The following SENP8 variants were observed in gnomAD, a reference collection of about 807,000 sequenced individuals.
SENP8 encodes the protein sentrin-specific protease 8.
Under a neutral mutation model 14.4 loss-of-function variants are expected in SENP8, and 10 were observed. That is an observed-to-expected ratio of 0.69 (90% CI 0.43 to 1.18). The LOEUF (loss-of-function observed/expected upper bound fraction) is 1.18, where lower values mean the gene tolerates loss of function less well. Among genes scored for constraint, SENP8 ranks in the 50% most tolerant of loss-of-function variants. The pLI, the probability that SENP8 is intolerant of heterozygous loss-of-function variation, is 0.00. For missense variants in SENP8, 202 were observed against 249.4 expected (o/e 0.81, Z 1.28); for synonymous variants, 94 against 95.5 (o/e 0.98, Z 0.09).
chr15:72,117,785 C>G (rs1395999244), upstream of SENP8: 1 of 398,140 alleles, frequency 2.5e-6, no homozygotes, highest in Non-Finnish European at 4.4e-6. Context: ...GAGGCCGAGG[C>G]CACCGAGGGT....
rs141489909 is a variant in SENP8, at chr15:72,139,670, C to T, written c.47C>T (p.Ser16Leu). ...TACATGGACAGTCTACTGCGGCAAT[C>T]AGATGTCTCACTATTGGATCCGCCA... ...LSYMDSLLRQ[S>L]DVSLLDPPSW... Residue 16 changes from serine (S) to leucine (L), a missense_variant, in exon 2 of 2, where the codon TCA becomes TTA. Transcript: ENST00000340912. 3 of 1,614,172 alleles carry T rather than the reference C, an allele frequency of 1.9e-6. No homozygotes were observed. The highest frequency in any genetic ancestry group is 4.5e-5 in the East Asian group (2 of 44,884).
chr15:72,114,527 T>C (rs1442800435), upstream of SENP8: 2 of 151,712 alleles, frequency 1.3e-5, no homozygotes, highest in Non-Finnish European at 2.9e-5. Context: ...GAGGAAAGAG[T>C]GGTGCCATTA....
At chr15:72,128,003 G>T (rs1221044044) in intron 1 of SENP8, among the ~76,000 whole-genome samples, 1 of 152,090 alleles carries the variant, frequency 6.6e-6, no homozygotes, top group African/African-American at 2.4e-5. Flanking sequence ...CAAGGTGGGA[G>T]GATCACTTGA....
intron 1 of SENP8, among the ~76,000 whole-genome samples, chr15:72,135,632 C>CT (rs1384660854): frequency 6.6e-6 from 1 of 152,134 alleles, no homozygotes; most frequent in African/African-American, 2.4e-5. Context: ...TAGTTGAGTT[C>CT]TATTTGCATT....
At chr15:72,139,427 A>T (rs2081358702) in intron 1 of SENP8, 150 bp from the exon 2 acceptor site, 2 of 663,116 alleles carry the variant, frequency 3.0e-6, no homozygotes, top group Middle Eastern at 4.2e-4. Context: ...GGCAAAAGAA[A>T]ATCCATGTGT....
rs1275675744 is a variant in SENP8, at chr15:72,141,581, C to T, written c.*1319C>T. On this transcript the variant is annotated 3_prime_UTR_variant, in exon 2 of 2. Coordinates refer to ENST00000340912, the MANE Select transcript of SENP8 (RefSeq NM_145204.4). The stretch of plus-strand genomic sequence containing the variant: ...CCCAGCCCTCATGGCCCAAAATAAC[C>T]TCACCACTCAGTGACCACAGAGAAA... 6.6e-6 allele frequency: 1 copy of T among 152,192 alleles called. No homozygotes were observed. The highest frequency in any genetic ancestry group is 2.4e-5 in the African/African-American group (1 of 41,428). The allele number at this position is 152,192 out of a possible 1,614,324, so 9.4% of individuals were successfully genotyped here.
At chr15:72,119,930 T>G (rs2081144132) in intron 1 of SENP8, among the ~76,000 whole-genome samples, 1 of 152,220 alleles carries the variant, frequency 6.6e-6, no homozygotes, top group Non-Finnish European at 1.5e-5. Context: ...TAGTTACTTG[T>G]CTCTTTGCTC....
intron 1 of SENP8, among the ~76,000 whole-genome samples, chr15:72,136,795 G>C (rs1487036774): frequency 6.6e-6 from 1 of 152,088 alleles, no homozygotes; most frequent in Non-Finnish European, 1.5e-5. Flanking sequence ...AATATGCTTT[G>C]TTTTGCACTC....
At chr15:72,137,960 A>C (rs2081342839) in intron 1 of SENP8, among the ~76,000 whole-genome samples, 1 of 151,952 alleles carries the variant, frequency 6.6e-6, no homozygotes, top group Non-Finnish European at 1.5e-5. Flanking sequence ...TGACAGTGCG[A>C]GACTCCATCT....
At chr15:72,119,357 A>T in intron 1 of SENP8, among the ~76,000 whole-genome samples, 1 of 152,236 alleles carries the variant, frequency 6.6e-6, no homozygotes, top group East Asian at 1.9e-4. Flanking sequence ...AGGTGTCATT[A>T]CTGTTTTAAA....
Position 72,143,365 on chromosome 15 carries a change from T to C in SENP8, c.*3103T>C, listed in dbSNP as rs1456246446. The C allele has an allele frequency of 6.6e-6, 1 of 152,212 alleles. No homozygotes were observed. The highest frequency in any genetic ancestry group is 1.9e-4 in the East Asian group (1 of 5,200). 9.4% of individuals were successfully genotyped at this position (152,212 alleles called of 1,614,324 possible). A position where few individuals can be genotyped will look rare whatever the true frequency, so the allele number is the denominator to read the frequency against. On this transcript the variant is annotated 3_prime_UTR_variant, in exon 2 of 2. Transcript: ENST00000340912. ...AAGACTAACAACAAGTTTGAAAACT[T>C]AGTTTTATATTGCTATGCAGCTAAA...
At chr15:72,126,769 A>C (rs1031801236) in intron 1 of SENP8, among the ~76,000 whole-genome samples, 2 of 152,220 alleles carry the variant, frequency 1.3e-5, no homozygotes, top group Non-Finnish European at 2.9e-5. Context: ...CATGATTACT[A>C]CTACACTATG....
chr15:72,137,971 CAA>C (rs1039616275), intron 1 of SENP8, among the ~76,000 whole-genome samples: 1 of 132,776 alleles, frequency 7.5e-6, no homozygotes, highest in African/African-American at 2.8e-5. Context: ...GACTCCATCT[CAA>C]AAAAAAAAAG....
intron 1 of SENP8, among the ~76,000 whole-genome samples, chr15:72,123,123 A>G (rs1360684158): frequency 2.6e-5 from 4 of 152,206 alleles, no homozygotes; most frequent in Non-Finnish European, 5.9e-5. Flanking sequence ...TTAACTATCT[A>G]TGAAAAAAAT....
intron 1 of SENP8, chr15:72,135,047 G>A: frequency 3.1e-6 from 1 of 325,736 alleles, no homozygotes; most frequent in Admixed American, 3.7e-5. Flanking sequence ...ACCCAGAGAA[G>A]CACACTTTTT....
upstream of SENP8, chr15:72,117,797 G>T: frequency 5.0e-6 from 2 of 398,368 alleles, no homozygotes; most frequent in African/African-American, 2.1e-5. Context: ...ACCGAGGGTC[G>T]GACGGTTCCG....
At chr15:72,126,538 T>A (rs1326136122) in intron 1 of SENP8, among the ~76,000 whole-genome samples, 2 of 152,066 alleles carry the variant, frequency 1.3e-5, no homozygotes, top group Non-Finnish European at 2.9e-5. Flanking sequence ...AGCAGGAGAA[T>A]CGCTTGAACC....
intron 1 of SENP8, among the ~76,000 whole-genome samples, chr15:72,132,538 G>T (rs2081283741): frequency 6.6e-6 from 1 of 151,852 alleles, no homozygotes; most frequent in African/African-American, 2.4e-5. Context: ...GATTATAGAT[G>T]GCTCTTGGTT....
intron 1 of SENP8, among the ~76,000 whole-genome samples, chr15:72,129,414 G>A (rs570673977): frequency 6.6e-6 from 1 of 151,768 alleles, no homozygotes; most frequent in South Asian, 2.1e-4. Flanking sequence ...CCAGGCTGGA[G>A]TGCAATGGTG....
Sources: gnomAD v4.1 joint callset for allele counts (sites outside exome capture counted in the v4.1 genomes callset) on GRCh38, gnomAD v4.1.1 for gene constraint, MANE v1.5 for transcripts, NCBI Gene and HGNC (gene_info 2026-07-23, HGNC 2026-07-21) for gene names.